The following DPYD variants were observed in gnomAD, a reference collection of about 807,000 sequenced individuals.
The protein encoded by DPYD is dihydropyrimidine dehydrogenase [NADP(+)].
In DPYD, 109 loss-of-function variants were observed where a neutral mutation model predicts 116.2. The observed-to-expected ratio is 0.94, with a 90% confidence interval of 0.80 to 1.10. DPYD has a LOEUF of 1.10. Ranked by LOEUF, DPYD falls within the 50% of genes least tolerant of loss-of-function variation. The pLI is 0.00. For missense variants in DPYD, 1,302 were observed against 1,254.5 expected, an observed-to-expected ratio of 1.04 and a Z score of -0.57; for synonymous variants, 440 against 432.0, an observed-to-expected ratio of 1.02 and a Z score of -0.23.
chr1:97,102,566 T>C (rs1570458638), intron 20 of DPYD, among the ~76,000 whole-genome samples: 2 of 150,924 alleles, frequency 1.3e-5, no homozygotes, highest in East Asian at 2.0e-4. Context: ...ATAAGTTACA[T>C]GTAAAGGATA....
intron 18 of DPYD, among the ~76,000 whole-genome samples, chr1:97,274,897 T>C (rs1457570671): frequency 1.3e-5 from 2 of 152,108 alleles, no homozygotes; most frequent in African/African-American, 4.8e-5. Flanking sequence ...ATGTAGAATA[T>C]GATATAAACA....
intron 3 of DPYD, among the ~76,000 whole-genome samples, chr1:97,773,372 C>T (rs137912161): frequency 2.1e-5 from 3 of 144,022 alleles, no homozygotes; most frequent in East Asian, 2.1e-4. Flanking sequence ...TTCATATTTA[C>T]TAATGATACA....
At chr1:97,828,270 A>C in intron 2 of DPYD, 74 bp from the exon 3 acceptor site, 2 of 1,353,852 alleles carry the variant, frequency 1.5e-6, no homozygotes, top group African/African-American at 1.4e-5. Context: ...TTATGCAAAA[A>C]TGTAATTGAT....
At chr1:97,629,791 A>G (rs1244362611) in intron 8 of DPYD, among the ~76,000 whole-genome samples, 1 of 152,106 alleles carries the variant, frequency 6.6e-6, no homozygotes, top group African/African-American at 2.4e-5. Context: ...GGATTTAGAC[A>G]ATGCTATGAT....
chr1:97,559,140 G>A lies in DPYD; in HGVS notation c.1340-9396C>T, dbSNP rs543073176. Among the ~76,000 whole-genome samples the A allele has an allele frequency of 1.1e-4, 16 of 152,066 alleles. No homozygotes were observed. In the South Asian group the frequency reaches 1.2e-3, roughly 12 times the overall value. On this transcript the variant is annotated intron_variant, in intron 11 of 22. Coordinates refer to ENST00000370192, the MANE Select transcript of DPYD (RefSeq NM_000110.4). ...AATTATGAGATAGTGAAAAAATAGCGTATTGAAATATTTTTTGTATACTTC... is the reference window on the plus strand; with the variant it reads ...AATTATGAGATAGTGAAAAAATAGCATATTGAAATATTTTTTGTATACTTC...
At chr1:97,515,419 T>A (rs931916652) in intron 13 of DPYD, among the ~76,000 whole-genome samples, 1 of 151,904 alleles carries the variant, frequency 6.6e-6, no homozygotes, top group African/African-American at 2.4e-5. Context: ...AGCTGAGGCA[T>A]CCAAAAATAA....
At chr1:97,570,295 C>T (rs1406088426) in intron 11 of DPYD, among the ~76,000 whole-genome samples, 2 of 151,806 alleles carry the variant, frequency 1.3e-5, no homozygotes, top group East Asian at 3.9e-4. Context: ...TTATTGCAAC[C>T]AGAGACTTCT....
At chr1:97,318,809 A>C (rs1225710353) in intron 16 of DPYD, among the ~76,000 whole-genome samples, 2 of 150,360 alleles carry the variant, frequency 1.3e-5, no homozygotes, top group African/African-American at 4.9e-5. Flanking sequence ...CACCTATTCC[A>C]AAATTGACCA....
At chr1:97,217,358 T>C (rs1222424178) in intron 19 of DPYD, among the ~76,000 whole-genome samples, 1 of 152,210 alleles carries the variant, frequency 6.6e-6, no homozygotes. Context: ...GTTTCTGAAC[T>C]GTGGTCTAGA....
At chr1:97,415,963 T>C (rs1478370311) in intron 14 of DPYD, among the ~76,000 whole-genome samples, 1 of 152,208 alleles carries the variant, frequency 6.6e-6, no homozygotes, top group Non-Finnish European at 1.5e-5. Context: ...TATAATGTCT[T>C]ATACATTTAT....
At chr1:97,409,234 T>C (rs1239628242) in intron 14 of DPYD, among the ~76,000 whole-genome samples, 1 of 152,158 alleles carries the variant, frequency 6.6e-6, no homozygotes, top group East Asian at 1.9e-4. Context: ...TATGATTTTA[T>C]GTAAATAATA....
At chr1:97,276,676 CAAA>C (rs36074078) in intron 18 of DPYD, among the ~76,000 whole-genome samples, 7 of 116,624 alleles carry the variant, frequency 6.0e-5, no homozygotes, top group African/African-American at 6.0e-5. Flanking sequence ...GACTCTGTCT[CAAA>C]AAAAAAAAAA....
chr1:97,562,506 G>A (rs966949365), intron 11 of DPYD, among the ~76,000 whole-genome samples: 2 of 152,104 alleles, frequency 1.3e-5, no homozygotes, highest in African/African-American at 4.8e-5. Flanking sequence ...AACAAGTATG[G>A]TTGTTAAAGA....
chr1:97,381,414 C>T (rs1217164993), intron 15 of DPYD, among the ~76,000 whole-genome samples: 2 of 152,114 alleles, frequency 1.3e-5, no homozygotes, highest in East Asian at 3.9e-4. Flanking sequence ...TCATAGTCAG[C>T]TTAAAATTGG....
intron 18 of DPYD, among the ~76,000 whole-genome samples, chr1:97,236,964 C>A (rs1339661188): frequency 6.6e-6 from 1 of 152,064 alleles, no homozygotes; most frequent in African/African-American, 2.4e-5. Flanking sequence ...CGCCTATAAT[C>A]CTAGCACTTT....
At chr1:97,508,772 C>T (rs1008538175) in intron 13 of DPYD, among the ~76,000 whole-genome samples, 2 of 151,830 alleles carry the variant, frequency 1.3e-5, no homozygotes, top group African/African-American at 4.8e-5. Flanking sequence ...TGGTGGATTT[C>T]AGTGTTTTGA....
intron 18 of DPYD, among the ~76,000 whole-genome samples, chr1:97,267,118 A>C (rs1664290130): frequency 6.6e-6 from 1 of 152,176 alleles, no homozygotes; most frequent in South Asian, 2.1e-4. Flanking sequence ...GTCTTCCACA[A>C]TGGTTGAACT....
At chr1:97,341,417 CCTT>C (rs1473781978) in intron 16 of DPYD, among the ~76,000 whole-genome samples, 3 of 152,052 alleles carry the variant, frequency 2.0e-5, no homozygotes, top group Admixed American at 1.3e-4. Context: ...TCTCATGAAT[CCTT>C]CTCTCTCCTA....
intron 12 of DPYD, among the ~76,000 whole-genome samples, chr1:97,531,015 T>C (rs1649583629): frequency 6.6e-6 from 1 of 152,208 alleles, no homozygotes. Flanking sequence ...TTTTTGGAAA[T>C]TAACTGCTGG....
Sources: allele counts gnomAD v4.1 joint callset (sites outside exome capture counted in the v4.1 genomes callset), GRCh38; gene constraint gnomAD v4.1.1; transcripts MANE v1.5; gene names NCBI Gene and HGNC (gene_info 2026-07-23, HGNC 2026-07-21).